CCDC57: variants seen among roughly 807,000 people sequenced by gnomAD.
CCDC57 encodes coiled-coil domain containing 57.
CCDC57 carries 118 observed loss-of-function variants against 118.9 expected under a neutral mutation model. The ratio of observed to expected loss-of-function variants is 0.99; its 90% confidence interval spans 0.86 to 1.16. The LOEUF (loss-of-function observed/expected upper bound fraction) is 1.16. Among genes scored for constraint, CCDC57 ranks in the 50% most tolerant of loss-of-function variants. CCDC57 has a pLI of 0.00. For missense variants in CCDC57, 1,300 were observed against 1,320.7 expected, an observed-to-expected ratio of 0.98 and a Z score of 0.24; for synonymous variants, 527 against 532.9, an observed-to-expected ratio of 0.99 and a Z score of 0.15.
chr17:82,125,542 AT>A (rs1344239156), intron 19 of CCDC57, among the ~76,000 whole-genome samples: 2 of 151,876 alleles, frequency 1.3e-5, no homozygotes, highest in Non-Finnish European at 2.9e-5. Context: ...GGCCCAGTGA[AT>A]TTTTGTATTT....
chr17:82,103,021 G>A (rs1418319094), intron 19 of CCDC57, among the ~76,000 whole-genome samples: 2 of 152,264 alleles, frequency 1.3e-5, no homozygotes, highest in Non-Finnish European at 2.9e-5. Flanking sequence ...AGTCTGGACA[G>A]GCTGACCCAG....
At chr17:82,202,616 G>T (rs947000254) in intron 2 of CCDC57, among the ~76,000 whole-genome samples, 1 of 151,932 alleles carries the variant, frequency 6.6e-6, no homozygotes, top group Non-Finnish European at 1.5e-5. Context: ...CATGCATGGT[G>T]GCGCATGCCT....
In CCDC57 at chr17:82,126,610, C is replaced by T. The variant is rs1319672786; in HGVS notation, c.2899+1082G>A. 1.4e-5 allele frequency: 14 copies of T among 985,284 alleles called. No homozygotes were observed. The South Asian group carries it at 1.9e-4, about 13-fold the overall frequency. 61.0% of individuals were successfully genotyped at this position (985,284 alleles called of 1,614,324 possible). A position where few individuals can be genotyped will look rare whatever the true frequency, so the allele number is the denominator to read the frequency against. On this transcript the variant is annotated intron_variant, in intron 19 of 19. Transcript: ENST00000665763. ...ATCCTGCTGCCACCGGCAAAAGTTCCGTGTGGCTACAGGACTCTCAGACAC... is the reference window on the plus strand; with the variant it reads ...ATCCTGCTGCCACCGGCAAAAGTTCTGTGTGGCTACAGGACTCTCAGACAC...
At chr17:82,195,404 C>T in intron 4 of CCDC57, 40 bp from the exon 4 acceptor site, 1 of 1,510,848 alleles carries the variant, frequency 6.6e-7, no homozygotes, top group African/African-American at 1.4e-5. Flanking sequence ...ACAGTGGGAA[C>T]CCAGCAAAGA....
At chr17:82,191,748 G>C (rs2047691924) in intron 7 of CCDC57, among the ~76,000 whole-genome samples, 1 of 151,926 alleles carries the variant, frequency 6.6e-6, no homozygotes, top group African/African-American at 2.4e-5. Context: ...CTCACTACAG[G>C]CTCCACATCC....
In CCDC57 at chr17:82,139,101, T is replaced by A. The variant is rs2039682323; in HGVS notation, c.2456-4907A>T. 1.3e-5 allele frequency among the ~76,000 whole-genome samples: 2 copies of A among 152,244 alleles called. 1 individual carries two copies. The highest frequency in any genetic ancestry group is 4.1e-4 in the South Asian group (2 of 4,834). Reference sequence around the variant, plus strand: ...TCACACTTATCTGTAAATAATTTCCTCTGTAAAAATCATGCTCATCCAGTT... The same window carrying A: ...TCACACTTATCTGTAAATAATTTCCACTGTAAAAATCATGCTCATCCAGTT... On this transcript the variant is annotated intron_variant, in intron 16 of 19. Coordinates refer to ENST00000665763, the Ensembl canonical transcript of CCDC57.
intron 7 of CCDC57, among the ~76,000 whole-genome samples, chr17:82,189,392 G>A (rs2047377136): frequency 6.6e-6 from 1 of 152,186 alleles, no homozygotes; most frequent in Non-Finnish European, 1.5e-5. Flanking sequence ...TATATGTAAT[G>A]TTATGTAAGC....
intron 1 of CCDC57, chr17:82,208,130 G>C (rs1249747167): frequency 6.6e-6 from 1 of 152,214 alleles, no homozygotes; most frequent in East Asian, 1.9e-4. Context: ...GGCTGGTCTG[G>C]AACTCCCAAA....
At chr17:82,168,741 T>A (rs2044307344) in intron 13 of CCDC57, among the ~76,000 whole-genome samples, 1 of 103,702 alleles carries the variant, frequency 9.6e-6, no homozygotes, top group Admixed American at 9.8e-5. Flanking sequence ...GAACAAAGAA[T>A]GTTGCCAGAC....
intron 5 of CCDC57, 116 bp from the exon 5 acceptor site, chr17:82,194,255 A>G: frequency 9.1e-7 from 1 of 1,103,766 alleles, no homozygotes; most frequent in Non-Finnish European, 1.3e-6. Context: ...TGAAAATTCA[A>G]GAAGCAGTAA....
chr17:82,202,770 T>A (rs2049151987), intron 2 of CCDC57, among the ~76,000 whole-genome samples: 1 of 151,292 alleles, frequency 6.6e-6, no homozygotes, highest in African/African-American at 2.4e-5. Flanking sequence ...AAAAATAAAT[T>A]AAAAAAAAGA....
chr17:82,130,971 C>T lies in CCDC57; in HGVS notation c.2578-2374G>A, dbSNP rs558951700. On this transcript the variant is annotated intron_variant, in intron 17 of 19. Coordinates refer to ENST00000665763, the Ensembl canonical transcript of CCDC57. ...GGATTACAGGTGCCTGCCACCATGC[C>T]TGGCTAATTTTTTATATTTTTGGTA... Among the ~76,000 whole-genome samples the T allele has an allele frequency of 3.0e-4, 46 of 151,428 alleles. No individual in the cohort carries two copies. The East Asian group carries it at 5.9e-3, about 20-fold the overall frequency.
rs973291527 is a variant in CCDC57, at chr17:82,172,375, C to T, written c.1729+263G>A. 6.6e-6 allele frequency among the ~76,000 whole-genome samples: 1 copy of T among 152,230 alleles called. No individual in the cohort carries two copies. The highest frequency in any genetic ancestry group is 2.4e-5 in the African/African-American group (1 of 41,458). On this transcript the variant is annotated intron_variant, in intron 12 of 19. Transcript: ENST00000665763. This position sits in a 1 kb window ranked among gnomAD's most constrained non-coding sequence, Gnocchi z 5.2. Reference sequence around the variant, plus strand: ...AGCCAGCCCTGGTCCAGGTCTAAAACAGGTTTTTAAGTGTGTCAAGCAGGT... The same window carrying T: ...AGCCAGCCCTGGTCCAGGTCTAAAATAGGTTTTTAAGTGTGTCAAGCAGGT...
intron 2 of CCDC57, among the ~76,000 whole-genome samples, chr17:82,203,380 T>G (rs2049225658): frequency 6.6e-6 from 1 of 152,210 alleles, no homozygotes; most frequent in African/African-American, 2.4e-5. Context: ...GGTATTTCTT[T>G]CCAGCAATGT....
intron 8 of CCDC57, among the ~76,000 whole-genome samples, chr17:82,187,481 C>A (rs1001889503): frequency 8.2e-6 from 1 of 122,586 alleles, no homozygotes. Context: ...GGTCCCCAGC[C>A]CGGTCGCATC....
exon 9 of CCDC57, chr17:82,183,921 T>C (rs2046517840): frequency 6.2e-7 from 1 of 1,613,434 alleles, no homozygotes; most frequent in East Asian, 2.2e-5. Context: ...AGTTGATGCA[T>C]CTTCACGAAG....
chr17:82,113,873 A>G (rs1338629919), intron 19 of CCDC57: 3 of 570,224 alleles, frequency 5.3e-6, no homozygotes, highest in Non-Finnish European at 6.3e-6. Flanking sequence ...TTGAGCCTGG[A>G]AAGTTGAGGC....
chr17:82,159,405 A>G (rs972159019), intron 14 of CCDC57, among the ~76,000 whole-genome samples: 1 of 152,226 alleles, frequency 6.6e-6, no homozygotes, highest in African/African-American at 2.4e-5. Context: ...TCACGGGCAC[A>G]TGGATCTTCA....
chr17:82,184,127 C>T (rs932833292), intron 8 of CCDC57, among the ~76,000 whole-genome samples, 195 bp from the exon 8 acceptor site: 1 of 148,204 alleles, frequency 6.7e-6, no homozygotes, highest in Admixed American at 6.8e-5. Context: ...GAAGATGGTT[C>T]CGCACAGGAA....
Sources: gnomAD v4.1 joint callset for allele counts (sites outside exome capture counted in the v4.1 genomes callset) on GRCh38, gnomAD v4.1.1 for gene constraint, Gnocchi (gnomAD v3.1) non-coding constraint, MANE v1.5 for transcripts, NCBI Gene and HGNC (gene_info 2026-07-23, HGNC 2026-07-21) for gene names.